SLC26A7: variants seen among roughly 807,000 people sequenced by gnomAD.
The protein encoded by SLC26A7 is solute carrier family 26 member 7, also known as anion exchange transporter.
Under a neutral mutation model 82.5 loss-of-function variants are expected in SLC26A7, and 59 were observed. The ratio of observed to expected loss-of-function variants is 0.72; its 90% confidence interval spans 0.58 to 0.89. The LOEUF is 0.89. SLC26A7 is among the 40% of genes least tolerant of loss of function. SLC26A7 has a pLI of 0.00. For missense variants in SLC26A7, 820 were observed against 793.0 expected (o/e 1.03, Z -0.41); for synonymous variants, 271 against 274.3 (o/e 0.99, Z 0.12).
chr8:91,250,225 C>T (rs1054824628), intron 2 of SLC26A7, among the ~76,000 whole-genome samples: 4 of 152,042 alleles, frequency 2.6e-5, no homozygotes, highest in South Asian at 4.1e-4. Context: ...GTTTTGGAAC[C>T]TAATTAGCAG....
chr8:91,236,554 A>G (rs1810395464), intron 2 of SLC26A7, among the ~76,000 whole-genome samples: 1 of 97,204 alleles, frequency 1.0e-5, no homozygotes, highest in Admixed American at 1.3e-4. Context: ...AAATTCAATA[A>G]CTTCTGTGCA....
intron 2 of SLC26A7, among the ~76,000 whole-genome samples, chr8:91,261,148 C>T (rs1586333247): frequency 6.6e-6 from 1 of 152,040 alleles, no homozygotes; most frequent in South Asian, 2.1e-4. Flanking sequence ...CTTACCACCA[C>T]CTAATTATTT....
At chr8:91,299,512 A>G (rs528387768) in intron 4 of SLC26A7, among the ~76,000 whole-genome samples, 2 of 152,050 alleles carry the variant, frequency 1.3e-5, no homozygotes, top group East Asian at 3.9e-4. Flanking sequence ...TTTTTTTCTA[A>G]GTTGCTGCCT....
intron 2 of SLC26A7, among the ~76,000 whole-genome samples, chr8:91,264,631 C>CCG (rs1811059987): frequency 6.6e-6 from 1 of 151,954 alleles, no homozygotes; most frequent in Admixed American, 6.6e-5. Context: ...CACTTAATCT[C>CCG]CCAGACTAGC....
intron 18 of SLC26A7, chr8:91,394,370 T>A: frequency 6.5e-7 from 1 of 1,545,920 alleles, no homozygotes; most frequent in Middle Eastern, 1.7e-4. Flanking sequence ...TCCACCTTTC[T>A]CAAATATAAA....
chr8:91,392,752 G>A (rs1200199167), intron 16 of SLC26A7, among the ~76,000 whole-genome samples: 4 of 152,152 alleles, frequency 2.6e-5, no homozygotes, highest in Non-Finnish European at 5.9e-5. Context: ...TTGGGACATT[G>A]AGGAGGTCAG....
intron 5 of SLC26A7, among the ~76,000 whole-genome samples, chr8:91,325,501 T>C (rs1007867895): frequency 6.6e-6 from 1 of 152,124 alleles, no homozygotes; most frequent in African/African-American, 2.4e-5. Context: ...AAGGCCATAA[T>C]CTGTGTATTA....
chr8:91,245,441 G>C (rs1307352035), upstream of SLC26A7, among the ~76,000 whole-genome samples: 1 of 152,092 alleles, frequency 6.6e-6, no homozygotes. Context: ...GCAATTGTGT[G>C]GACGTATCCC....
intron 2 of SLC26A7, among the ~76,000 whole-genome samples, chr8:91,282,897 C>T (rs543469162): frequency 2.0e-5 from 3 of 152,308 alleles, no homozygotes; most frequent in African/African-American, 7.2e-5. Flanking sequence ...CCTCCTCAGG[C>T]ATCTACTCTT....
At chr8:91,214,144 G>A (rs1039438040) in intron 1 of SLC26A7, among the ~76,000 whole-genome samples, 2 of 152,094 alleles carry the variant, frequency 1.3e-5, no homozygotes, top group African/African-American at 4.8e-5. Context: ...TGGGTGTAAG[G>A]TGTGGTGGTG....
chr8:91,386,775 G>A (rs984120291), intron 15 of SLC26A7, among the ~76,000 whole-genome samples: 1 of 152,078 alleles, frequency 6.6e-6, no homozygotes, highest in Non-Finnish European at 1.5e-5. Flanking sequence ...CTACCAACAT[G>A]CTGTCATTAA....
chr8:91,267,767 C>T (rs1811155131), intron 2 of SLC26A7, among the ~76,000 whole-genome samples: 1 of 151,364 alleles, frequency 6.6e-6, no homozygotes, highest in Admixed American at 6.6e-5. Flanking sequence ...TATTTCTGTT[C>T]TGATCTTTGT....
intron 2 of SLC26A7, among the ~76,000 whole-genome samples, chr8:91,221,386 T>G (rs140911996): frequency 1.3e-5 from 2 of 152,260 alleles, no homozygotes; most frequent in African/African-American, 2.4e-5. Context: ...AATTAGATCC[T>G]GTTTGTCAAT....
chr8:91,372,688 C>G (rs182537341), intron 15 of SLC26A7, among the ~76,000 whole-genome samples: 1 of 151,704 alleles, frequency 6.6e-6, no homozygotes, highest in African/African-American at 2.4e-5. Context: ...TTATTCTTTT[C>G]CCTTTAGGGT....
At chr8:91,213,904 G>A (rs1005949538) in intron 1 of SLC26A7, among the ~76,000 whole-genome samples, 2 of 152,152 alleles carry the variant, frequency 1.3e-5, no homozygotes, top group African/African-American at 4.8e-5. Context: ...AAAAAGTTGA[G>A]GTCACATGCC....
At chr8:91,231,432 C>T (rs1179504740) in intron 2 of SLC26A7, among the ~76,000 whole-genome samples, 1 of 152,088 alleles carries the variant, frequency 6.6e-6, no homozygotes, top group Non-Finnish European at 1.5e-5. Context: ...CTTGTAATGG[C>T]GAGAAGGCCA....
At chr8:91,316,268 C>G (rs1384085895) in intron 4 of SLC26A7, among the ~76,000 whole-genome samples, 1 of 151,708 alleles carries the variant, frequency 6.6e-6, no homozygotes, top group Non-Finnish European at 1.5e-5. Flanking sequence ...ATCTCATTTG[C>G]CAACAATAGT....
rs111836522 is a variant in SLC26A7 at position 91,317,270 on chromosome 8, G to T, written c.478-946G>T. Among the ~76,000 whole-genome samples, 201 of 152,266 alleles carry T rather than the reference G, an allele frequency of 1.3e-3. 2 individuals carry two copies. Among genetic ancestry groups the T allele is most frequent in the African/African-American group, 4.8e-3 (198 of 41,552 alleles). On this transcript the variant is annotated intron_variant, in intron 4 of 18. Coordinates refer to ENST00000276609, the MANE Select transcript of SLC26A7 (RefSeq NM_052832.4). ...GCTTCTACATAGAGATGATGATTCT[G>T]CCTGGTCATGAAATGGTTTTGAGAT...
At chr8:91,359,749 G>T (rs752225845) in intron 11 of SLC26A7, among the ~76,000 whole-genome samples, 6 of 152,170 alleles carry the variant, frequency 3.9e-5, no homozygotes, top group Non-Finnish European at 5.9e-5. Context: ...ATTGGGCACA[G>T]CATTCAAAGT....
Sources: allele counts gnomAD v4.1 joint callset (sites outside exome capture counted in the v4.1 genomes callset), GRCh38; gene constraint gnomAD v4.1.1; transcripts MANE v1.5; gene names NCBI Gene and HGNC (gene_info 2026-07-23, HGNC 2026-07-21).